The following HS6ST3 variants were observed in gnomAD, a reference collection of about 807,000 sequenced individuals.
HS6ST3 encodes heparan-sulfate 6-O-sulfotransferase 3.
HS6ST3 carries 12 observed loss-of-function variants against 36.7 expected under a neutral mutation model. The ratio of observed to expected loss-of-function variants is 0.33; its 90% confidence interval spans 0.21 to 0.53. The LOEUF is 0.53. Ranked by LOEUF, HS6ST3 falls within the 20% of genes least tolerant of loss-of-function variation. The pLI is 0.95. For missense variants in HS6ST3, 584 were observed against 640.9 expected, an observed-to-expected ratio of 0.91 and a Z score of 0.96; for synonymous variants, 240 against 257.5, an observed-to-expected ratio of 0.93 and a Z score of 0.65.
chr13:96,776,296 C>T (rs949841520), intron 1 of HS6ST3, among the ~76,000 whole-genome samples: 5 of 151,874 alleles, frequency 3.3e-5, no homozygotes, highest in Admixed American at 6.6e-5. Flanking sequence ...GAAGCAAAGG[C>T]AAACAAATTC....
intron 1 of HS6ST3, among the ~76,000 whole-genome samples, chr13:96,138,309 A>G (rs1048730343): frequency 5.3e-5 from 8 of 151,834 alleles, no homozygotes; most frequent in African/African-American, 1.7e-4. Flanking sequence ...CTACTGTGCA[A>G]TAATAAGAGA....
At chr13:96,704,756 G>C (rs569745778) in intron 1 of HS6ST3, among the ~76,000 whole-genome samples, 2 of 152,212 alleles carry the variant, frequency 1.3e-5, no homozygotes, top group East Asian at 3.9e-4. Flanking sequence ...GACTGCAAGA[G>C]AAAGAAATTC....
intron 1 of HS6ST3, among the ~76,000 whole-genome samples, chr13:96,376,565 G>C (rs1204574958): frequency 6.6e-6 from 1 of 152,114 alleles, no homozygotes; most frequent in African/African-American, 2.4e-5. Flanking sequence ...GCAAGAACCT[G>C]ACATACCAGG....
At chr13:96,419,058 C>CT (rs904882368) in intron 1 of HS6ST3, among the ~76,000 whole-genome samples, 1 of 152,200 alleles carries the variant, frequency 6.6e-6, no homozygotes, top group Non-Finnish European at 1.5e-5. Flanking sequence ...CTAAGTCAGA[C>CT]TTTTTTTCTA....
intron 1 of HS6ST3, among the ~76,000 whole-genome samples, chr13:96,818,512 A>G (rs1878468708): frequency 1.3e-5 from 2 of 152,240 alleles, no homozygotes; most frequent in South Asian, 4.1e-4. Context: ...GGAGAAAAAT[A>G]TCGTGGGTGG....
At chr13:96,557,911 C>T (rs2056247215) in intron 1 of HS6ST3, among the ~76,000 whole-genome samples, 1 of 152,066 alleles carries the variant, frequency 6.6e-6, no homozygotes, top group South Asian at 2.1e-4. Context: ...CCTCTCTGTC[C>T]CTCAATTTAC....
intron 1 of HS6ST3, among the ~76,000 whole-genome samples, chr13:96,695,078 G>T (rs1251905231): frequency 1.3e-5 from 2 of 152,088 alleles, no homozygotes. Flanking sequence ...TACTTTTGTA[G>T]TTTTTTAAAA....
At chr13:96,762,961 T>A (rs1017075795) in intron 1 of HS6ST3, among the ~76,000 whole-genome samples, 2 of 152,168 alleles carry the variant, frequency 1.3e-5, no homozygotes, top group Non-Finnish European at 2.9e-5. Flanking sequence ...AGCAATACAA[T>A]AACATGAAAA....
intron 1 of HS6ST3, among the ~76,000 whole-genome samples, chr13:96,687,479 T>C (rs1874816036): frequency 6.6e-6 from 1 of 152,072 alleles, no homozygotes; most frequent in African/African-American, 2.4e-5. Context: ...TCTGTAAACA[T>C]GCTCACAGTT....
intron 1 of HS6ST3, among the ~76,000 whole-genome samples, chr13:96,301,764 G>C (rs1331286897): frequency 2.0e-5 from 3 of 151,776 alleles, no homozygotes; most frequent in South Asian, 2.1e-4. Context: ...AAAAAAATTA[G>C]TTGGGCACGG....
chr13:96,238,073 T>C (rs1427941892), intron 1 of HS6ST3, among the ~76,000 whole-genome samples: 1 of 152,214 alleles, frequency 6.6e-6, no homozygotes, highest in African/African-American at 2.4e-5. Flanking sequence ...AGTGGCACCT[T>C]GAATTCCATC....
At chr13:96,527,085 CT>C (rs5805975) in intron 1 of HS6ST3, among the ~76,000 whole-genome samples, 115,642 of 149,870 alleles carry the variant, frequency 0.77, 46,804 homozygotes, top group Non-Finnish European at 0.9. Flanking sequence ...TATTGGTTCA[CT>C]TTTTTTTTTT....
intron 1 of HS6ST3, among the ~76,000 whole-genome samples, chr13:96,799,993 T>TATAC (rs1281265241): frequency 1.1e-4 from 14 of 121,784 alleles, no homozygotes; most frequent in African/African-American, 5.5e-4. Flanking sequence ...TATATATATA[T>TATAC]ATATGTATAT....
chr13:96,126,657 A>G (rs1187362218), intron 1 of HS6ST3, among the ~76,000 whole-genome samples: 1 of 152,072 alleles, frequency 6.6e-6, no homozygotes, highest in African/African-American at 2.4e-5. Flanking sequence ...TGGGAACAGG[A>G]TGTTGGGCCA....
chr13:96,127,566 T>C (rs909564386), intron 1 of HS6ST3, among the ~76,000 whole-genome samples: 3 of 152,176 alleles, frequency 2.0e-5, no homozygotes, highest in Admixed American at 2.0e-4. Flanking sequence ...GGCCTTGGGG[T>C]TGGGACCCCT....
At chr13:96,760,627 G>T (rs1876946416) in intron 1 of HS6ST3, among the ~76,000 whole-genome samples, 1 of 152,268 alleles carries the variant, frequency 6.6e-6, no homozygotes, top group South Asian at 2.1e-4. Flanking sequence ...TATTTGAACT[G>T]ATAGTGAAAA....
chr13:96,518,029 T>TA (rs1243962014), intron 1 of HS6ST3, among the ~76,000 whole-genome samples: 1 of 152,036 alleles, frequency 6.6e-6, no homozygotes, highest in Non-Finnish European at 1.5e-5. Context: ...TGTGGAGACA[T>TA]AAAAAAGAAT....
rs565368557 is a variant in HS6ST3, at chr13:96,765,037, C to T, written c.708-67453C>T. 2.0e-5 allele frequency among the ~76,000 whole-genome samples: 3 copies of T among 150,174 alleles called. No homozygotes were observed. In the East Asian group the frequency reaches 5.8e-4, roughly 29 times the overall value. ...GAATTTAAAATTCAGTTGCACTTGC[C>T]ATATTTCTTTCTTTGTTTCTTTCTT... On this transcript the variant is annotated intron_variant, in intron 1 of 1. Coordinates refer to ENST00000376705, the MANE Select transcript of HS6ST3 (RefSeq NM_153456.4).
intron 1 of HS6ST3, among the ~76,000 whole-genome samples, chr13:96,501,555 T>C (rs2056004501): frequency 6.6e-6 from 1 of 152,120 alleles, no homozygotes; most frequent in Non-Finnish European, 1.5e-5. Flanking sequence ...TGAGGATCCA[T>C]CAGTAAAAAA....
Sources: allele counts gnomAD v4.1 joint callset (sites outside exome capture counted in the v4.1 genomes callset), GRCh38; gene constraint gnomAD v4.1.1; transcripts MANE v1.5; gene names NCBI Gene and HGNC (gene_info 2026-07-23, HGNC 2026-07-21).